GJB5: variants seen among roughly 807,000 people sequenced by gnomAD.
GJB5 encodes gap junction protein beta 5.
For synonymous variants in GJB5, 146 were observed against 145.5 expected (o/e 1.00, Z -0.02); for missense variants, 333 against 357.9 (o/e 0.93, Z 0.56).
chr1:34,757,749 G>C lies in GJB5; in HGVS notation c.419G>C (p.Ser140Thr). 6.2e-7 allele frequency: 1 copy of C among 1,613,958 alleles called. No homozygotes were observed. Among genetic ancestry groups the C allele is most frequent in the Non-Finnish European group, 8.5e-7 (1 of 1,179,992 alleles). ...GTCTGCAGCCTAGTGTTCAAGGCGA[G>C]CGTGGACATCGCCTTTCTCTATGTG... ...TYVCSLVFKASVDIAFLYVFH... is the reference protein window; with the variant it reads ...TYVCSLVFKATVDIAFLYVFH... The change falls in exon 2 of 2, where the codon AGC becomes ACC. Residue 140 changes from serine to threonine, a missense_variant. Physicochemically the swap from Ser to Thr is moderately conservative, Grantham distance 58. Transcript: ENST00000338513.
Position 34,757,505 on chromosome 1 carries a change from G to C in GJB5, c.175G>C (p.Gly59Arg). ...KDFDCNTRQPGCSNVCFDEFF... is the reference protein window; with the variant it reads ...KDFDCNTRQPRCSNVCFDEFF... ...CTTCGACTGCAATACTCGCCAGCCCGGCTGCTCCAACGTCTGCTTTGATGA... is the reference window on the plus strand; with the variant it reads ...CTTCGACTGCAATACTCGCCAGCCCCGCTGCTCCAACGTCTGCTTTGATGA... The change falls in exon 2 of 2, where the codon GGC (glycine) becomes CGC (arginine). Residue 59 changes from glycine (G) to arginine (R), a missense_variant. Coordinates refer to ENST00000338513, the MANE Select transcript of GJB5 (RefSeq NM_005268.4). The C allele has an allele frequency of 1.2e-6, 2 of 1,614,126 alleles. No homozygotes were observed. Among genetic ancestry groups the C allele is most frequent in the Non-Finnish European group, 1.7e-6 (2 of 1,180,020 alleles).
At chr1:34,755,340 T>C (rs1639560767) in intron 1 of GJB5, 145 bp downstream of exon 1, 1 of 152,610 alleles carries the variant, frequency 6.6e-6, no homozygotes, top group East Asian at 1.9e-4. Context: ...CTCTGGGTTC[T>C]TTCAGGTCTC....
chr1:34,756,319 A>T (rs568504472), intron 1 of GJB5, among the ~76,000 whole-genome samples: 1 of 152,286 alleles, frequency 6.6e-6, no homozygotes. Flanking sequence ...CATCAGGCCA[A>T]ATTCACCAGC....
chr1:34,756,020 T>C (rs1233132143), intron 1 of GJB5, among the ~76,000 whole-genome samples: 1 of 152,206 alleles, frequency 6.6e-6, no homozygotes, highest in Non-Finnish European at 1.5e-5. Flanking sequence ...ATATTGGCTG[T>C]TATCACTACT....
At position 34,758,153 on chromosome 1, in the gene GJB5, G is replaced by A; in HGVS notation, c.*1G>A. 6.2e-7 allele frequency: 1 copy of A among 1,611,928 alleles called. No homozygotes were observed. Among genetic ancestry groups the A allele is most frequent in the South Asian group, 1.1e-5 (1 of 90,922 alleles). On this transcript the variant is annotated 3_prime_UTR_variant, in exon 2 of 2. Transcript: ENST00000338513. The stretch of plus-strand genomic sequence containing the variant: ...CCATGTGAAGAAAACCATCTTGTGA[G>A]GGGCTGCCTGGACTGGTCTGGCAGG...
chr1:34,757,798 T>C lies in GJB5; in HGVS notation c.468T>C (p.Tyr156=). ...LYVFHSFYPK[Y]ILPPVVKCHA... ...TGTTCCACTCATTCTACCCCAAATA[T>C]ATCCTCCCTCCTGTGGTCAAGTGCC... The change falls in exon 2 of 2, where the codon TAT becomes TAC. Residue 156 remains tyrosine (Y), a synonymous_variant. Transcript: ENST00000338513. 1.2e-6 allele frequency: 2 copies of C among 1,613,828 alleles called. No homozygotes were observed. The highest frequency in any genetic ancestry group is 2.2e-5 in the East Asian group (1 of 44,878).
In GJB5 at chr1:34,757,807, T is replaced by G. The variant is rs189669597; in HGVS notation, c.477T>G (p.Pro159=). 1.5e-4 allele frequency: 238 copies of G among 1,613,888 alleles called. 2 individuals carry two copies. The East Asian group carries it at 4.2e-3, about 28-fold the overall frequency. The change falls in exon 2 of 2, where the codon CCT becomes CCG. Residue 159 remains proline, a synonymous_variant. Transcript: ENST00000338513. ...CATTCTACCCCAAATATATCCTCCC[T>G]CCTGTGGTCAAGTGCCACGCAGATC... ...FHSFYPKYIL[P]PVVKCHADPC... is the part of the protein sequence containing the mutation.
In GJB5 at chr1:34,757,433, G is replaced by C. The variant is rs369856004; in HGVS notation, c.103G>C (p.Val35Leu). The C allele has an allele frequency of 1.2e-6, 2 of 1,614,178 alleles. No individual in the cohort carries two copies. Among genetic ancestry groups the C allele is most frequent in the Admixed American group, 1.7e-5 (1 of 60,016 alleles). The part of the protein sequence containing the change: ...LSLVFIFRVL[V>L]YLVTAERVWS... ...TCTGGTCTTCATCTTCCGCGTGCTG[G>C]TGTACCTGGTGACGGCCGAGCGTGT... Residue 35 changes from valine to leucine, a missense_variant, in exon 2 of 2, where the codon GTG becomes CTG. Physicochemically the swap from Val to Leu is conservative, Grantham distance 32 (BLOSUM62 1). Transcript: ENST00000338513.
chr1:34,757,669 T>C lies in GJB5; in HGVS notation c.339T>C (p.Ser113=), dbSNP rs1369127037. Residue 113 remains serine (S), a synonymous_variant, in exon 2 of 2, where the codon AGT becomes AGC. Coordinates refer to ENST00000338513, the MANE Select transcript of GJB5 (RefSeq NM_005268.4). ...KRHREAHGEN[S]GRLYLNPGKK... ...ACCGAGAAGCCCATGGGGAGAACAG[T>C]GGGCGCCTCTACCTGAACCCCGGCA... 7 of 1,613,684 alleles carry C rather than the reference T, an allele frequency of 4.3e-6. No homozygotes were observed. In the African/African-American group the frequency reaches 9.3e-5, roughly 22 times the overall value.
Position 34,757,622 on chromosome 1 carries a change from C to A in GJB5, c.292C>A (p.Arg98=), listed in dbSNP as rs199724435. The change falls in exon 2 of 2, where the codon CGG becomes AGG. Residue 98 remains arginine (R), a synonymous_variant. Coordinates refer to ENST00000338513, the MANE Select transcript of GJB5 (RefSeq NM_005268.4). ...SLLVVMHVAY[R]EVQEKRHREA... Reference sequence around the variant, plus strand: ...GCTCGTGGTCATGCACGTGGCCTACCGGGAGGTTCAGGAGAAGAGGCACCG... The same window carrying A: ...GCTCGTGGTCATGCACGTGGCCTACAGGGAGGTTCAGGAGAAGAGGCACCG... The A allele has an allele frequency of 1.2e-6, 2 of 1,614,054 alleles. No individual in the cohort carries two copies. Among genetic ancestry groups the A allele is most frequent in the African/African-American group, 2.7e-5 (2 of 74,996 alleles).
rs367993143 is a variant in GJB5 at position 34,757,386 on chromosome 1, C to A, written c.56C>A (p.Ala19Asp). The A allele has an allele frequency of 1.2e-6, 2 of 1,614,214 alleles. No homozygotes were observed. The highest frequency in any genetic ancestry group is 1.7e-6 in the Non-Finnish European group (2 of 1,180,030). Residue 19 changes from alanine (A) to aspartate (D), a missense_variant, in exon 2 of 2, where the codon GCC becomes GAC. Coordinates refer to ENST00000338513, the MANE Select transcript of GJB5 (RefSeq NM_005268.4). ...AGTGGGGTCAACAAGTACTCCACAG[C>A]CTTTGGGCGCATCTGGCTGTCTCTG... ...LLSGVNKYST[A>D]FGRIWLSLVF...
rs201727757 is a variant in GJB5, at chr1:34,757,450, C to T, written c.120C>T (p.Ala40=). The T allele has an allele frequency of 3.7e-6, 6 of 1,614,120 alleles. No homozygotes were observed. The highest frequency in any genetic ancestry group is 3.3e-5 in the South Asian group (3 of 91,066). Residue 40 remains alanine (A), a synonymous_variant, in exon 2 of 2, where the codon GCC becomes GCT. Coordinates refer to ENST00000338513, the MANE Select transcript of GJB5 (RefSeq NM_005268.4). The part of the protein sequence containing the change: ...IFRVLVYLVT[A]ERVWSDDHKD... ...GCGTGCTGGTGTACCTGGTGACGGC[C>T]GAGCGTGTGTGGAGTGATGACCACA... is the stretch of plus-strand genomic sequence containing the variant.
Position 34,757,916 on chromosome 1 carries a change from A to G in GJB5, c.586A>G (p.Ile196Val), listed in dbSNP as rs776297323. The change falls in exon 2 of 2, where the codon ATC (isoleucine) becomes GTC (valine). Residue 196 changes from isoleucine to valine, a missense_variant. Coordinates refer to ENST00000338513, the MANE Select transcript of GJB5 (RefSeq NM_005268.4). ...FTLFMVATAA[I>V]CILLNLVELI... ...CCTCTTCATGGTGGCCACAGCTGCC[A>G]TCTGCATCCTGCTCAACCTCGTGGA... is the stretch of plus-strand genomic sequence containing the variant. 220 of 1,613,912 alleles carry G rather than the reference A, an allele frequency of 1.4e-4. 2 individuals carry two copies. The East Asian group carries it at 4.9e-3, about 36-fold the overall frequency.
Position 34,757,319 on chromosome 1 carries a change from C to T in GJB5, c.-12C>T, listed in dbSNP as rs754760517. The T allele has an allele frequency of 1.6e-5, 26 of 1,577,602 alleles. No homozygotes were observed. Among genetic ancestry groups the T allele is most frequent in the East Asian group, 2.2e-5 (1 of 44,492 alleles). ...TGTTTCCCTGCAGTAGCAGCTGACG[C>T]GTGGGTCCACCATGAACTGGAGTAT... On this transcript the variant is annotated 5_prime_UTR_variant, in exon 2 of 2. Transcript: ENST00000338513.
Position 34,757,454 on chromosome 1 carries a change from C to G in GJB5, c.124C>G (p.Arg42Gly), listed in dbSNP as rs1484941359. The change falls in exon 2 of 2, where the codon CGT becomes GGT. Residue 42 changes from arginine to glycine, a missense_variant. Transcript: ENST00000338513. ...GCTGGTGTACCTGGTGACGGCCGAG[C>G]GTGTGTGGAGTGATGACCACAAGGA... ...RVLVYLVTAE[R>G]VWSDDHKDFD... The G allele has an allele frequency of 1.2e-6, 2 of 1,614,136 alleles. No individual in the cohort carries two copies. Among genetic ancestry groups the G allele is most frequent in the Non-Finnish European group, 1.7e-6 (2 of 1,180,012 alleles).
chr1:34,755,385 C>G (rs920458608), intron 1 of GJB5, among the ~76,000 whole-genome samples, 190 bp downstream of exon 1: 11 of 152,138 alleles, frequency 7.2e-5, no homozygotes, highest in Admixed American at 7.2e-4. Flanking sequence ...GGGGCCAGGC[C>G]GGAAGCTCAG....
chr1:34,755,991 C>T lies in GJB5; in HGVS notation c.-25+796C>T, dbSNP rs139518290. On this transcript the variant is annotated intron_variant, in intron 1 of 1. Coordinates refer to ENST00000338513, the MANE Select transcript of GJB5 (RefSeq NM_005268.4). ...AAAGAACTTAGAGCGGTGCCTGGCA[C>T]GGCATGAATGCTTCATGGATATTGG... Among the ~76,000 whole-genome samples the T allele has an allele frequency of 8.7e-4, 132 of 152,348 alleles. 1 individual carries two copies. The East Asian group carries it at 0.019, about 22-fold the overall frequency.
In GJB5 at chr1:34,757,327, C is replaced by T. The variant is rs1382016945; in HGVS notation, c.-4C>T. ...TGCAGTAGCAGCTGACGCGTGGGTC[C>T]ACCATGAACTGGAGTATCTTTGAGG... On this transcript the variant is annotated 5_prime_UTR_variant, in exon 2 of 2. Coordinates refer to ENST00000338513, the MANE Select transcript of GJB5 (RefSeq NM_005268.4). 1 of 1,599,658 alleles carries T rather than the reference C, an allele frequency of 6.3e-7. No homozygotes were observed. Among genetic ancestry groups the T allele is most frequent in the Non-Finnish European group, 8.6e-7 (1 of 1,167,650 alleles).
chr1:34,757,063 T>C (rs1472673999), intron 1 of GJB5, among the ~76,000 whole-genome samples: 2 of 152,186 alleles, frequency 1.3e-5, no homozygotes, highest in African/African-American at 4.8e-5. Context: ...TCCACTGGTA[T>C]TGGTAAGAGC....
Sources: allele counts gnomAD v4.1 joint callset (sites outside exome capture counted in the v4.1 genomes callset), GRCh38; gene constraint gnomAD v4.1.1; transcripts MANE v1.5; gene names NCBI Gene and HGNC (gene_info 2026-07-23, HGNC 2026-07-21).